The following LRP1B variants were observed in gnomAD, a reference collection of about 807,000 sequenced individuals.
LRP1B encodes LDL receptor related protein 1B.
Under a neutral mutation model 556.6 loss-of-function variants are expected in LRP1B, and 217 were observed. That is an observed-to-expected ratio of 0.39 (90% CI 0.35 to 0.44). The LOEUF is 0.44. LRP1B is among the 20% of genes least tolerant of loss of function. The pLI is 1.00. For missense variants in LRP1B, 5,053 were observed against 5,620.8 expected (o/e 0.90, Z 3.23); for synonymous variants, 2,047 against 1,865.8 (o/e 1.10, Z -2.50).
intron 2 of LRP1B, among the ~76,000 whole-genome samples, chr2:141,796,268 T>G (rs754270459): frequency 3.3e-5 from 5 of 152,020 alleles, no homozygotes; most frequent in Non-Finnish European, 7.4e-5. Context: ...GCCAACCCAA[T>G]TACATGGTTC....
rs974467591 is a variant in LRP1B, at chr2:140,364,923, A to G, written c.11009-140T>C. The G allele has an allele frequency of 4.9e-6, 3 of 615,954 alleles. No individual in the cohort carries two copies. The Admixed American group carries it at 9.8e-5, about 20-fold the overall frequency. 38.2% of individuals were successfully genotyped at this position (615,954 alleles called of 1,614,324 possible). On this transcript the variant is annotated intron_variant, in intron 71 of 90. Transcript: ENST00000389484. Reference sequence around the variant, plus strand: ...GTATTATATTTATTTCAAGCATAATACCAGGAACAAGTAATATTCAATTTT... The same window carrying G: ...GTATTATATTTATTTCAAGCATAATGCCAGGAACAAGTAATATTCAATTTT...
At chr2:140,344,586 T>A (rs938235430) in intron 77 of LRP1B, among the ~76,000 whole-genome samples, 3 of 151,792 alleles carry the variant, frequency 2.0e-5, no homozygotes, top group African/African-American at 7.3e-5. Flanking sequence ...AGATGCTTAT[T>A]TTAAACATGT....
intron 1 of LRP1B, among the ~76,000 whole-genome samples, chr2:142,001,623 A>T (rs1574580640): frequency 6.6e-6 from 1 of 152,304 alleles, no homozygotes; most frequent in South Asian, 2.1e-4. Flanking sequence ...GAAATACAGC[A>T]AAGTTCATTG....
rs1317039092 is a variant in LRP1B at position 141,002,592 on chromosome 2, T to C, written c.2503+2743A>G. On this transcript the variant is annotated intron_variant, in intron 15 of 90. Coordinates refer to ENST00000389484, the MANE Select transcript of LRP1B (RefSeq NM_018557.3). Reference sequence around the variant, plus strand: ...CTTATAATACCTAATACAAGGCAAATACTATGTAAATAGTTTCCATACTAT... The same window carrying C: ...CTTATAATACCTAATACAAGGCAAACACTATGTAAATAGTTTCCATACTAT... Among the ~76,000 whole-genome samples, 3 of 152,174 alleles carry C rather than the reference T, an allele frequency of 2.0e-5. No individual in the cohort carries two copies. The East Asian group carries it at 5.8e-4, about 30-fold the overall frequency.
rs374756800 is a variant in LRP1B at position 140,874,670 on chromosome 2, C to T, written c.4170-6407G>A. Among the ~76,000 whole-genome samples the T allele has an allele frequency of 5.0e-3, 761 of 151,458 alleles. 6 individuals are homozygous for T. The highest frequency in any genetic ancestry group is 0.017 in the African/African-American group (694 of 41,266). The stretch of plus-strand genomic sequence containing the variant: ...TACTACATCCGTTTATCTTTCTGTA[C>T]GTGCTTTTAAAGTACTTGTGATATT... On this transcript the variant is annotated intron_variant, in intron 25 of 90. Transcript: ENST00000389484.
chr2:141,737,666 A>C (rs1425187102), intron 2 of LRP1B, among the ~76,000 whole-genome samples: 2 of 152,164 alleles, frequency 1.3e-5, no homozygotes, highest in African/African-American at 4.8e-5. Flanking sequence ...ATTTTTTGGC[A>C]ACCTGAGATT....
At chr2:141,241,642 A>G (rs927616247) in intron 5 of LRP1B, among the ~76,000 whole-genome samples, 4 of 151,988 alleles carry the variant, frequency 2.6e-5, no homozygotes, top group Non-Finnish European at 4.4e-5. Context: ...TCGCTTCCTG[A>G]ATGTTCTAGA....
At chr2:140,467,233 A>C (rs1311431034) in intron 60 of LRP1B, among the ~76,000 whole-genome samples, 1 of 152,116 alleles carries the variant, frequency 6.6e-6, no homozygotes, top group Non-Finnish European at 1.5e-5. Flanking sequence ...ATATGCAACT[A>C]TCCCACTAAA....
chr2:140,923,253 G>C (rs946120565), intron 20 of LRP1B, 106 bp from the exon 21 acceptor site: 1 of 795,202 alleles, frequency 1.3e-6, no homozygotes, highest in African/African-American at 1.8e-5. Context: ...CTTTCTTCAG[G>C]CATTATTATA....
chr2:141,183,352 A>C (rs1574164324), intron 7 of LRP1B, among the ~76,000 whole-genome samples: 2 of 152,026 alleles, frequency 1.3e-5, no homozygotes, highest in Admixed American at 6.6e-5. Flanking sequence ...AACAACCCAG[A>C]TTAGAATTTC....
chr2:140,758,839 T>C (rs1196497037), intron 35 of LRP1B, among the ~76,000 whole-genome samples: 1 of 152,070 alleles, frequency 6.6e-6, no homozygotes, highest in African/African-American at 2.4e-5. Flanking sequence ...GAATCACTAA[T>C]AAATCTTAGC....
chr2:141,281,164 C>T (rs2105387840), intron 3 of LRP1B, among the ~76,000 whole-genome samples: 1 of 152,066 alleles, frequency 6.6e-6, no homozygotes, highest in South Asian at 2.1e-4. Context: ...CACATAAAAC[C>T]TTCTTGCTTT....
intron 4 of LRP1B, among the ~76,000 whole-genome samples, chr2:141,251,044 T>C (rs1021660644): frequency 6.6e-6 from 1 of 152,170 alleles, no homozygotes; most frequent in African/African-American, 2.4e-5. Context: ...TTTGCATGGA[T>C]TTTATAATTG....
chr2:141,509,870 A>G (rs2105149169), intron 2 of LRP1B, among the ~76,000 whole-genome samples: 1 of 152,300 alleles, frequency 6.6e-6, no homozygotes, highest in Admixed American at 6.5e-5. Flanking sequence ...AGATCTTGGA[A>G]CTGCACTGTA....
intron 1 of LRP1B, among the ~76,000 whole-genome samples, chr2:142,087,476 A>G (rs1705989932): frequency 6.6e-6 from 1 of 151,842 alleles, no homozygotes; most frequent in Non-Finnish European, 1.5e-5. Context: ...AAGAGAAATT[A>G]TAAGAACAAA....
Position 140,315,113 on chromosome 2 carries a change from G to T in LRP1B, c.12641-14C>A, listed in dbSNP as rs548467443. ...TACATGAATCATCTGTTTATGAGAAGAAATGTACAAATTAGCATGTTTTCA... is the reference window on the plus strand; with the variant it reads ...TACATGAATCATCTGTTTATGAGAATAAATGTACAAATTAGCATGTTTTCA... On this transcript the variant is annotated splice_polypyrimidine_tract_variant and intron_variant, in intron 82 of 90. Transcript: ENST00000389484. The T allele has an allele frequency of 3.2e-6, 5 of 1,571,894 alleles. No homozygotes were observed. The East Asian group carries it at 9.2e-5, about 29-fold the overall frequency.
chr2:140,259,682 T>C (rs934256060), intron 86 of LRP1B, among the ~76,000 whole-genome samples: 3 of 151,980 alleles, frequency 2.0e-5, no homozygotes, highest in African/African-American at 4.8e-5. Flanking sequence ...ATGCGACCCA[T>C]TGGGGTAAAA....
chr2:140,906,449 C>T (rs1573865149), intron 22 of LRP1B, among the ~76,000 whole-genome samples: 1 of 151,574 alleles, frequency 6.6e-6, no homozygotes. Context: ...TGTCTTTTGC[C>T]TTTTATTTAT....
intron 2 of LRP1B, among the ~76,000 whole-genome samples, chr2:141,701,863 C>T (rs982711563): frequency 6.6e-6 from 1 of 151,798 alleles, no homozygotes; most frequent in Non-Finnish European, 1.5e-5. Context: ...ATTTAGTCCT[C>T]ATTGTTTATA....
Sources: allele counts gnomAD v4.1 joint callset (sites outside exome capture counted in the v4.1 genomes callset), GRCh38; gene constraint gnomAD v4.1.1; transcripts MANE v1.5; gene names NCBI Gene and HGNC (gene_info 2026-07-23, HGNC 2026-07-21).